The following NEB variants were observed in gnomAD, a reference collection of about 807,000 sequenced individuals.
The protein encoded by NEB is nebulin, also known as nemaline myopathy type 2.
Under a neutral mutation model 952.2 loss-of-function variants are expected in NEB, and 512 were observed. The ratio of observed to expected loss-of-function variants is 0.54; its 90% CI spans 0.50 to 0.58. NEB has a LOEUF of 0.58. NEB is among the 20% of genes least tolerant of loss of function. The pLI is 0.00. For missense variants in NEB, 8,428 were observed against 9,231.1 expected (o/e 0.91, Z 3.56); for synonymous variants, 2,900 against 3,149.8 (o/e 0.92, Z 2.66).
At chr2:151,612,725 T>C (rs2153984805) in intron 77 of NEB, among the ~76,000 whole-genome samples, 1 of 152,368 alleles carries the variant, frequency 6.6e-6, no homozygotes, top group South Asian at 2.1e-4. Flanking sequence ...ATGGAAACTG[T>C]ACTGGGTGAG....
At chr2:151,665,260 T>C in intron 42 of NEB, 73 bp downstream of exon 42, 1 of 1,390,252 alleles carries the variant, frequency 7.2e-7, no homozygotes, top group South Asian at 1.2e-5. Flanking sequence ...AGGAGACGAT[T>C]GGGGCACTGC....
rs2095355799 is a variant in NEB, at chr2:151,551,742, C to A, written c.19940G>T (p.Ser6647Ile). Residue 6647 changes from serine (S) to isoleucine (I), a missense_variant, in exon 129 of 182, where the codon AGT becomes ATT. By Grantham distance (142) the Ser-to-Ile change is moderately radical. This residue lies in a region of NEB where 3,374 missense variants were observed against 3,651.5 expected (regional missense o/e 0.92). Transcript: ENST00000397345. ...TCTCAAGTTCTCACTGCTCACCGAA[C>A]TCTGGAGCTTGTATGCATGAAGGGC... ...DRALHAYKLQ[S>I]SNLYKTSLRT... 1.2e-6 allele frequency: 2 copies of A among 1,612,996 alleles called. No homozygotes were observed. Among genetic ancestry groups the A allele is most frequent in the Admixed American group, 1.7e-5 (1 of 59,952 alleles).
intron 116 of NEB, 149 bp downstream of exon 116, chr2:151,565,352 C>A: frequency 1.4e-6 from 1 of 699,480 alleles, no homozygotes; most frequent in Non-Finnish European, 2.5e-6. Context: ...CTGCTAGTGA[C>A]TTTTAAGACA....
intron 12 of NEB, 49 bp from the exon 13 acceptor site, chr2:151,707,046 C>T (rs1259986342): frequency 2.5e-6 from 3 of 1,217,944 alleles, no homozygotes; most frequent in East Asian, 2.5e-5. Context: ...GTTATTTTTG[C>T]CCCCGTCTCT....
Position 151,506,928 on chromosome 2 carries a change from T to C in NEB, c.23537A>G (p.Asn7846Ser). 3 of 1,607,538 alleles carry C rather than the reference T, an allele frequency of 1.9e-6. No individual in the cohort carries two copies. Among genetic ancestry groups the C allele is most frequent in the Non-Finnish European group, 2.6e-6 (3 of 1,175,244 alleles). Residue 7846 changes from asparagine to serine, a missense_variant, in exon 163 of 182, where the codon AAT becomes AGT. Physicochemically the swap from Asn to Ser is conservative, Grantham distance 46. Around this residue, in one of 11 missense-constraint regions of NEB, gnomAD observed 3,374 missense variants for 3,651.5 expected, o/e 0.92. Coordinates refer to ENST00000397345, the MANE Select transcript of NEB (RefSeq NM_001164508.2). ...DTPEILRVKENQKNFSSVLYK... is the reference protein window; with the variant it reads ...DTPEILRVKESQKNFSSVLYK... ...ATATACCGAGCTGAAATTCTTCTGA[T>C]TTTCTTTTACACGCAGTATTTCTGG...
At chr2:151,655,786 G>A (rs1179070600) in intron 50 of NEB, 31 bp downstream of exon 50, 1 of 1,603,758 alleles carries the variant, frequency 6.2e-7, no homozygotes, top group Non-Finnish European at 8.5e-7. Context: ...CCTCACGTGG[G>A]AGCTGTGTGG....
intron 12 of NEB, among the ~76,000 whole-genome samples, chr2:151,708,066 C>A (rs1376922049): frequency 2.0e-5 from 3 of 152,206 alleles, no homozygotes; most frequent in Non-Finnish European, 4.4e-5. Flanking sequence ...GGGCTTGTGG[C>A]AAAGCCATCC....
rs150718757 is a variant in NEB, at chr2:151,714,810, T to C, written c.822+2606A>G. Among the ~76,000 whole-genome samples, 613 of 152,274 alleles carry C rather than the reference T, an allele frequency of 4.0e-3. 5 individuals carry two copies. Among genetic ancestry groups the C allele is most frequent in the African/African-American group, 0.014 (574 of 41,540 alleles). ...TATTTTAGGGAGAAAGAAGATATGA[T>C]CCTGCTGCAACATGGGCCAATGCAT... On this transcript the variant is annotated intron_variant, in intron 10 of 181. Transcript: ENST00000397345.
chr2:151,519,382 C>T (rs1265631103), intron 154 of NEB, among the ~76,000 whole-genome samples: 1 of 152,182 alleles, frequency 6.6e-6, no homozygotes, highest in Non-Finnish European at 1.5e-5. Context: ...CACCAAAGGA[C>T]AGATACTGTT....
At position 151,644,060 on chromosome 2, in the gene NEB, G is replaced by A; in HGVS notation, c.7714C>T (p.Pro2572Ser). Reference sequence around the variant, plus strand: ...ACATGCATGGACCACATCATCTTGGGGTCATCTTCAATGTTCCGGGCACCA... The same window carrying A: ...ACATGCATGGACCACATCATCTTGGAGTCATCTTCAATGTTCCGGGCACCA... ...HIGARNIEDD[P>S]KMMWSMHVAK... Residue 2572 changes from proline (P) to serine (S), a missense_variant, in exon 57 of 182, where the codon CCC (proline) becomes TCC (serine). Coordinates refer to ENST00000397345, the MANE Select transcript of NEB (RefSeq NM_001164508.2). 2.5e-6 allele frequency: 4 copies of A among 1,613,920 alleles called. No individual in the cohort carries two copies. Among genetic ancestry groups the A allele is most frequent in the Non-Finnish European group, 3.4e-6 (4 of 1,179,888 alleles).
intron 129 of NEB, 45 bp from the exon 130 acceptor site, chr2:151,549,785 G>A (rs769983318): frequency 1.7e-6 from 2 of 1,153,422 alleles, no homozygotes; most frequent in Non-Finnish European, 2.6e-6. Context: ...CGGGCATCAA[G>A]TAACTGATCT....
chr2:151,644,414 C>T, intron 56 of NEB, 54 bp downstream of exon 56: 1 of 1,487,254 alleles, frequency 6.7e-7, no homozygotes, highest in South Asian at 1.1e-5. Context: ...ATTGAGACTG[C>T]TTTGAAGTGA....
chr2:151,537,858 A>T lies in NEB; in HGVS notation c.21102+14T>A. 1 of 1,523,656 alleles carries T rather than the reference A, an allele frequency of 6.6e-7. No homozygotes were observed. The highest frequency in any genetic ancestry group is 2.0e-5 in the Admixed American group (1 of 51,098). 94.4% of individuals were successfully genotyped at this position (1,523,656 alleles called of 1,614,324 possible). A position where few individuals can be genotyped will look rare whatever the true frequency, so the allele number is the denominator to read the frequency against. On this transcript the variant is annotated intron_variant, in intron 140 of 181. Coordinates refer to ENST00000397345, the MANE Select transcript of NEB (RefSeq NM_001164508.2). The stretch of plus-strand genomic sequence containing the variant: ...ATGAATTTATATGTGAAAATAGAAG[A>T]TGTCAACACTCACATCACTGACTGT...
intron 138 of NEB, among the ~76,000 whole-genome samples, chr2:151,539,597 T>C (rs1405475670): frequency 1.3e-5 from 2 of 152,196 alleles, no homozygotes; most frequent in African/African-American, 2.4e-5. Flanking sequence ...GCTCTGGTAA[T>C]GGGTACAGTG....
At chr2:151,507,410 T>C (rs907776352) in intron 162 of NEB, among the ~76,000 whole-genome samples, 2 of 152,286 alleles carry the variant, frequency 1.3e-5, no homozygotes, top group East Asian at 1.9e-4. Flanking sequence ...TTTCTGGCCT[T>C]CTCTGTTTTT....
rs2062746264 is a variant in NEB, at chr2:151,499,400, A to C, written c.24022-10T>G. 1 of 1,467,462 alleles carries C rather than the reference A, an allele frequency of 6.8e-7. No individual in the cohort carries two copies. The highest frequency in any genetic ancestry group is 9.3e-7 in the Non-Finnish European group (1 of 1,072,746). 90.9% of individuals were successfully genotyped at this position (1,467,462 alleles called of 1,614,324 possible). On this transcript the variant is annotated splice_polypyrimidine_tract_variant and intron_variant, in intron 168 of 181. Transcript: ENST00000397345. ...TTTCTTTATACAACACCTGTATGAC[A>C]CAAGAAAGCATCCAGAAAAAACAAG...
At chr2:151,690,087 C>A (rs1301071228) in intron 24 of NEB, 1 of 153,392 alleles carries the variant, frequency 6.5e-6, no homozygotes, top group African/African-American at 2.4e-5. Flanking sequence ...AATATGGAGT[C>A]CCCTAGATCT....
intron 13 of NEB, among the ~76,000 whole-genome samples, chr2:151,706,403 G>A (rs1047203198): frequency 1.3e-5 from 2 of 152,082 alleles, no homozygotes; most frequent in African/African-American, 4.8e-5. Context: ...TGCCTAATAT[G>A]CTTTAAATTG....
rs1031389383 is a variant in NEB at position 151,514,393 on chromosome 2, A to G, written c.23052T>C (p.Arg7684=). The part of the protein sequence containing the change: ...EYRKDLEESI[R]GKGLTEMEDT... ...CTTCCATTTCAGTGAGGCCCTTCCC[A>G]CGGATGCTTTCCTCTAGATCTTTCC... Residue 7684 remains arginine (R), a synonymous_variant, in exon 159 of 182, where the codon CGT becomes CGC. Transcript: ENST00000397345. 2 of 1,613,616 alleles carry G rather than the reference A, an allele frequency of 1.2e-6. No homozygotes were observed. Among genetic ancestry groups the G allele is most frequent in the African/African-American group, 1.3e-5 (1 of 75,020 alleles).
Sources: allele counts gnomAD v4.1 joint callset (sites outside exome capture counted in the v4.1 genomes callset), GRCh38; gene constraint gnomAD v4.1.1; regional missense constraint gnomAD v4.1.1; transcripts MANE v1.5; gene names NCBI Gene and HGNC (gene_info 2026-07-23, HGNC 2026-07-21).